The following COL14A1 variants were observed in gnomAD, a reference collection of about 807,000 sequenced individuals.
COL14A1 encodes collagen type XIV alpha 1 chain, also known as collagen alpha-1(XIV) chain.
COL14A1 carries 136 observed loss-of-function variants against 230.3 expected under a neutral mutation model. The ratio of observed to expected loss-of-function variants is 0.59; its 90% CI spans 0.51 to 0.68. The LOEUF (loss-of-function observed/expected upper bound fraction) is 0.68, where lower values mean the gene tolerates loss of function less well. COL14A1 is among the 30% of genes least tolerant of loss of function. COL14A1 has a pLI of 0.00. For missense variants in COL14A1, 1,976 were observed against 2,215.8 expected (o/e 0.89, Z 2.17); for synonymous variants, 792 against 784.1 (o/e 1.01, Z -0.17).
intron 6 of COL14A1, among the ~76,000 whole-genome samples, chr8:120,197,542 G>T (rs1434384816): frequency 6.6e-6 from 1 of 151,878 alleles, no homozygotes; most frequent in Admixed American, 6.6e-5. Flanking sequence ...CTACAAACAT[G>T]ATCAGAGTTT....
chr8:120,320,071 C>T (rs1821385740), intron 40 of COL14A1, among the ~76,000 whole-genome samples: 1 of 151,724 alleles, frequency 6.6e-6, no homozygotes, highest in Non-Finnish European at 1.5e-5. Context: ...CCACCCTAGA[C>T]ATCAGGGTGG....
chr8:120,222,932 GAGAA>G (rs1817977066), intron 14 of COL14A1, among the ~76,000 whole-genome samples: 1 of 152,218 alleles, frequency 6.6e-6, no homozygotes, highest in Non-Finnish European at 1.5e-5. Flanking sequence ...GCCGGTGTCA[GAGAA>G]TAACCCTACT....
chr8:120,300,901 T>G, intron 36 of COL14A1, 83 bp downstream of exon 36: 1 of 1,047,140 alleles, frequency 9.5e-7, no homozygotes, highest in Non-Finnish European at 1.4e-6. Context: ...TGTTGTCTAC[T>G]GTACTAAATG....
rs768183755 is a variant in COL14A1 at position 120,196,918 on chromosome 8, C to G, written c.564C>G (p.Phe188Leu). 1.2e-6 allele frequency: 2 copies of G among 1,613,856 alleles called. No individual in the cohort carries two copies. The highest frequency in any genetic ancestry group is 1.7e-6 in the Non-Finnish European group (2 of 1,179,898). Residue 188 changes from phenylalanine (F) to leucine (L), a missense_variant, in exon 6 of 48, where the codon TTC becomes TTG. This residue lies in a region of COL14A1 where 1,791 missense variants were observed against 2,019.5 expected (regional missense o/e 0.89). Coordinates refer to ENST00000297848, the MANE Select transcript of COL14A1 (RefSeq NM_021110.4). ...TCTTGGAAAACCTGGTTACAGCATT[C>G]GATGTGGGCTCAGAGAAGACACGAA... ...RHFLENLVTAFDVGSEKTRIG... is the reference protein window; with the variant it reads ...RHFLENLVTALDVGSEKTRIG...
rs1819707888 is a variant in COL14A1, at chr8:120,272,704, G to A, written c.3213+2530G>A. Among the ~76,000 whole-genome samples, 3 of 151,548 alleles carry A rather than the reference G, an allele frequency of 2.0e-5. No individual in the cohort carries two copies. In the South Asian group the frequency reaches 6.2e-4, roughly 31 times the overall value. ...ATAGTAGAAAAAAAAGACAAAGAAAGTCATTATATAATGATAAAAGGATTG... is the reference window on the plus strand; with the variant it reads ...ATAGTAGAAAAAAAAGACAAAGAAAATCATTATATAATGATAAAAGGATTG... On this transcript the variant is annotated intron_variant, in intron 26 of 47. Coordinates refer to ENST00000297848, the MANE Select transcript of COL14A1 (RefSeq NM_021110.4).
chr8:120,297,670 A>G (rs1197683874), intron 35 of COL14A1, 82 bp downstream of exon 35: 4 of 716,096 alleles, frequency 5.6e-6, no homozygotes, highest in Non-Finnish European at 8.3e-6. Context: ...CTCAACATTC[A>G]TATCATAGGC....
At chr8:120,355,167 G>A (rs1474989457) in intron 45 of COL14A1, among the ~76,000 whole-genome samples, 1 of 152,088 alleles carries the variant, frequency 6.6e-6, no homozygotes, top group African/African-American at 2.4e-5. Context: ...ACATTTTTGG[G>A]TGATTCCAAA....
At chr8:120,229,671 C>T (rs1818207699) in intron 18 of COL14A1, among the ~76,000 whole-genome samples, 1 of 152,186 alleles carries the variant, frequency 6.6e-6, no homozygotes, top group Non-Finnish European at 1.5e-5. Flanking sequence ...GTTCTAGATC[C>T]CTGAGGAATC....
rs139108174 is a variant in COL14A1 at position 120,314,143 on chromosome 8, C to T, written c.4551+116C>T. The T allele has an allele frequency of 3.0e-5, 21 of 692,838 alleles. No homozygotes were observed. The East Asian group carries it at 5.8e-4, about 19-fold the overall frequency. The allele number at this position is 692,838 out of a possible 1,614,324, so 42.9% of individuals were successfully genotyped here. A position where few individuals can be genotyped will look rare whatever the true frequency, so the allele number is the denominator to read the frequency against. The stretch of plus-strand genomic sequence containing the variant: ...TAATGAACCTCAGTCCCTTTGAAAG[C>T]AATGATGGAGTGTCATTTCACTAGT... On this transcript the variant is annotated intron_variant, in intron 38 of 47. Transcript: ENST00000297848.
chr8:120,278,807 C>T (rs1255089162), intron 28 of COL14A1, among the ~76,000 whole-genome samples: 1 of 151,862 alleles, frequency 6.6e-6, no homozygotes, highest in African/African-American at 2.4e-5. Flanking sequence ...ATACAGGATG[C>T]CCTTTATATG....
At chr8:120,356,524 A>G (rs1416395896) in intron 45 of COL14A1, among the ~76,000 whole-genome samples, 3 of 152,220 alleles carry the variant, frequency 2.0e-5, no homozygotes, top group Non-Finnish European at 4.4e-5. Flanking sequence ...CTGGGCATTG[A>G]TGACATGGTG....
intron 40 of COL14A1, among the ~76,000 whole-genome samples, chr8:120,321,949 T>G (rs1430643197): frequency 6.6e-6 from 1 of 152,166 alleles, no homozygotes; most frequent in Non-Finnish European, 1.5e-5. Context: ...AATTGCTAGA[T>G]AGTATATTGT....
intron 35 of COL14A1, 107 bp downstream of exon 35, chr8:120,297,695 A>G (rs953411503): frequency 3.1e-5 from 16 of 524,290 alleles, no homozygotes; most frequent in Non-Finnish European, 4.9e-5. Flanking sequence ...CGTTGAGATG[A>G]TAAAATTAGA....
chr8:120,193,007 C>G (rs1047136707), intron 5 of COL14A1, among the ~76,000 whole-genome samples: 3 of 152,118 alleles, frequency 2.0e-5, no homozygotes, highest in African/African-American at 7.2e-5. Context: ...TCCTGTAGCT[C>G]GGAGTAATTT....
At chr8:120,297,145 G>A (rs893133754) in intron 34 of COL14A1, among the ~76,000 whole-genome samples, 5 of 151,950 alleles carry the variant, frequency 3.3e-5, no homozygotes, top group African/African-American at 1.2e-4. Flanking sequence ...GTAGTGGGAG[G>A]TGTGCTATAG....
At chr8:120,226,602 CA>C (rs1477053310) in intron 15 of COL14A1, 24 bp from the exon 16 acceptor site, 1 of 1,610,796 alleles carries the variant, frequency 6.2e-7, no homozygotes, top group Non-Finnish European at 8.5e-7. Context: ...ATTTCCCTAA[CA>C]AAACCTCCTT....
chr8:120,243,061 G>C (rs192749984), intron 19 of COL14A1, among the ~76,000 whole-genome samples: 1 of 152,290 alleles, frequency 6.6e-6, no homozygotes, highest in African/African-American at 2.4e-5. Context: ...TAAATGGCCC[G>C]GTGATGGGCC....
chr8:120,164,435 G>A (rs1815796604), intron 4 of COL14A1, among the ~76,000 whole-genome samples: 1 of 151,740 alleles, frequency 6.6e-6, no homozygotes, highest in Admixed American at 6.6e-5. Flanking sequence ...TCTTCCTCTT[G>A]TTGGTAATAT....
intron 22 of COL14A1, among the ~76,000 whole-genome samples, chr8:120,251,358 G>A (rs986828421): frequency 6.6e-6 from 1 of 152,144 alleles, no homozygotes; most frequent in African/African-American, 2.4e-5. Context: ...GCCCGAGATG[G>A]CCAATGTCAA....
Sources: gnomAD v4.1 joint callset for allele counts (sites outside exome capture counted in the v4.1 genomes callset) on GRCh38, gnomAD v4.1.1 for gene constraint, gnomAD v4.1.1 regional missense constraint, MANE v1.5 for transcripts, NCBI Gene and HGNC (gene_info 2026-07-23, HGNC 2026-07-21) for gene names.